RYR3: variants seen among roughly 807,000 people sequenced by gnomAD.
RYR3 encodes ryanodine receptor 3.
In RYR3, 207 loss-of-function variants were observed where a neutral mutation model predicts 584.3. The ratio of observed to expected loss-of-function variants is 0.35; its 90% CI spans 0.32 to 0.40. The LOEUF is 0.40. Among genes scored for constraint, RYR3 ranks in the 10% least tolerant of loss-of-function variants. The probability of loss-of-function intolerance (pLI) is 1.00; values close to 1 mark genes in which losing one functional copy is unlikely to be tolerated. For missense variants in RYR3, 5,616 were observed against 6,089.2 expected (o/e 0.92, Z 2.59); for synonymous variants, 2,416 against 2,248.5 (o/e 1.07, Z -2.11).
rs367903502 is a variant in RYR3 at position 33,757,459 on chromosome 15, C to T, written c.8584-16C>T. On this transcript the variant is annotated splice_polypyrimidine_tract_variant and intron_variant, in intron 59 of 103. Coordinates refer to ENST00000634891, the MANE Select transcript of RYR3 (RefSeq NM_001036.6). ...TGGATAGCTTCCTAGAAGTTGATTTCTGGTGCGTTTCCCAGGTTCTCCTCC... is the reference window on the plus strand; with the variant it reads ...TGGATAGCTTCCTAGAAGTTGATTTTTGGTGCGTTTCCCAGGTTCTCCTCC... 2 of 1,597,582 alleles carry T rather than the reference C, an allele frequency of 1.3e-6. No homozygotes were observed. The highest frequency in any genetic ancestry group is 2.7e-5 in the African/African-American group (2 of 74,628).
At chr15:33,697,536 T>C (rs2065933378) in intron 39 of RYR3, among the ~76,000 whole-genome samples, 1 of 152,208 alleles carries the variant, frequency 6.6e-6, no homozygotes, top group South Asian at 2.1e-4. Flanking sequence ...GTAATTGTTC[T>C]TACATCTTAA....
At chr15:33,572,951 GCAA>G (rs1470866889) in intron 12 of RYR3, among the ~76,000 whole-genome samples, 2 of 152,006 alleles carry the variant, frequency 1.3e-5, no homozygotes, top group African/African-American at 4.8e-5. Context: ...TCCAACCTGG[GCAA>G]CAACAGCGAA....
intron 70 of RYR3, 71 bp downstream of exon 70, chr15:33,807,640 A>C: frequency 2.8e-6 from 4 of 1,420,212 alleles, no homozygotes; most frequent in Non-Finnish European, 3.9e-6. Context: ...CCCCCTCTGC[A>C]CTGTGATCAC....
chr15:33,832,339 A>T (rs1171779954), intron 86 of RYR3, among the ~76,000 whole-genome samples: 1 of 151,880 alleles, frequency 6.6e-6, no homozygotes, highest in African/African-American at 2.4e-5. Context: ...TAAAATAATC[A>T]TATATACTGT....
chr15:33,422,692 CG>C (rs2044325118), intron 1 of RYR3, among the ~76,000 whole-genome samples: 1 of 151,982 alleles, frequency 6.6e-6, no homozygotes, highest in Non-Finnish European at 1.5e-5. Context: ...TCTTCTGTAT[CG>C]TGGGGCCATG....
intron 38 of RYR3, among the ~76,000 whole-genome samples, chr15:33,689,911 A>G (rs1370710875): frequency 1.3e-5 from 2 of 152,220 alleles, no homozygotes; most frequent in Non-Finnish European, 2.9e-5. Flanking sequence ...AGTTTCTTGT[A>G]GAGTACTTAA....
chr15:33,830,955 G>A lies in RYR3; in HGVS notation c.11335-8G>A. On this transcript the variant is annotated splice_region_variant and splice_polypyrimidine_tract_variant and intron_variant, in intron 85 of 103. Coordinates refer to ENST00000634891, the MANE Select transcript of RYR3 (RefSeq NM_001036.6). Reference sequence around the variant, plus strand: ...GAGAAATACTAAGCTCTACTCATTTGTTTTTAGGAATCAATCAGTGATTTC... The same window carrying A: ...GAGAAATACTAAGCTCTACTCATTTATTTTTAGGAATCAATCAGTGATTTC... The A allele has an allele frequency of 5.0e-6, 8 of 1,612,640 alleles. No individual in the cohort carries two copies. The highest frequency in any genetic ancestry group is 6.8e-6 in the Non-Finnish European group (8 of 1,179,386).
chr15:33,460,968 G>C (rs1010646522), intron 1 of RYR3, among the ~76,000 whole-genome samples: 2 of 43,676 alleles, frequency 4.6e-5, no homozygotes, highest in Non-Finnish European at 8.3e-5. Context: ...TTTTTAAGAC[G>C]GAGTCTCGCT....
intron 12 of RYR3, among the ~76,000 whole-genome samples, chr15:33,568,344 T>C (rs1595632133): frequency 6.6e-6 from 1 of 152,242 alleles, no homozygotes; most frequent in African/African-American, 2.4e-5. Context: ...AAAGTTGTTA[T>C]TTTAAAAAGT....
At chr15:33,526,585 A>G (rs562943514) in intron 3 of RYR3, among the ~76,000 whole-genome samples, 4 of 152,236 alleles carry the variant, frequency 2.6e-5, no homozygotes, top group Non-Finnish European at 5.9e-5. Context: ...CCTAAGTTCA[A>G]ATCCAAACAC....
intron 65 of RYR3, among the ~76,000 whole-genome samples, chr15:33,781,573 A>C (rs1229968152): frequency 6.6e-6 from 1 of 152,160 alleles, no homozygotes; most frequent in Non-Finnish European, 1.5e-5. Context: ...CGAAGTGCTA[A>C]GCCATGGCAG....
chr15:33,333,366 T>C (rs1970595059), intron 1 of RYR3, among the ~76,000 whole-genome samples: 1 of 152,050 alleles, frequency 6.6e-6, no homozygotes, highest in Non-Finnish European at 1.5e-5. Flanking sequence ...GTAGGCATCA[T>C]CTCCAGAATA....
intron 16 of RYR3, among the ~76,000 whole-genome samples, chr15:33,595,445 A>C (rs769276319): frequency 6.6e-6 from 1 of 152,172 alleles, no homozygotes; most frequent in African/African-American, 2.4e-5. Context: ...AGGGGTCCAT[A>C]TACTGGTTTT....
In RYR3 at chr15:33,612,317, A is replaced by G. The variant is rs149317294; in HGVS notation, c.2165-866A>G. Among the ~76,000 whole-genome samples, 163 of 152,318 alleles carry G rather than the reference A, an allele frequency of 1.1e-3. 1 individual carries two copies. Among genetic ancestry groups the G allele is most frequent in the African/African-American group, 3.8e-3 (158 of 41,572 alleles). On this transcript the variant is annotated intron_variant, in intron 18 of 103. Transcript: ENST00000634891. ...TGTTTTCCTGCTTATCCGAAATAATAAAGTTCTTTAAAACAAATAAGCAAA... is the reference window on the plus strand; with the variant it reads ...TGTTTTCCTGCTTATCCGAAATAATGAAGTTCTTTAAAACAAATAAGCAAA...
At chr15:33,567,070 A>G (rs1321192459) in intron 12 of RYR3, among the ~76,000 whole-genome samples, 4 of 152,218 alleles carry the variant, frequency 2.6e-5, no homozygotes, top group Non-Finnish European at 5.9e-5. Context: ...AAATTAAGTG[A>G]AAAGAGTTGG....
chr15:33,537,362 G>A (rs1009577356), intron 5 of RYR3, among the ~76,000 whole-genome samples: 5 of 151,926 alleles, frequency 3.3e-5, no homozygotes, highest in Admixed American at 6.6e-5. Context: ...TTGTTTTCTG[G>A]TTTTTTAGTT....
intron 38 of RYR3, among the ~76,000 whole-genome samples, chr15:33,674,353 C>A (rs1254719490): frequency 2.6e-5 from 4 of 152,222 alleles, no homozygotes; most frequent in Admixed American, 2.0e-4. Flanking sequence ...AACACACACA[C>A]ACACAAACAC....
chr15:33,696,549 C>T, intron 39 of RYR3, 58 bp downstream of exon 39: 6 of 1,533,866 alleles, frequency 3.9e-6, no homozygotes, highest in Non-Finnish European at 5.4e-6. Flanking sequence ...GGAAAACTGA[C>T]TTACCTTGAT....
intron 10 of RYR3, among the ~76,000 whole-genome samples, chr15:33,560,939 C>T (rs1242644276): frequency 2.0e-5 from 3 of 151,726 alleles, no homozygotes; most frequent in African/African-American, 4.8e-5. Flanking sequence ...AATAATCCAG[C>T]CAATGTTTCA....
Sources: allele counts gnomAD v4.1 joint callset (sites outside exome capture counted in the v4.1 genomes callset), GRCh38; gene constraint gnomAD v4.1.1; transcripts MANE v1.5; gene names NCBI Gene and HGNC (gene_info 2026-07-23, HGNC 2026-07-21).